PDSS2: variants seen among roughly 807,000 people sequenced by gnomAD.
PDSS2 encodes the protein decaprenyl diphosphate synthase subunit 2, also known as all trans-polyprenyl-diphosphate synthase PDSS2.
PDSS2 carries 31 observed loss-of-function variants against 44.5 expected under a neutral mutation model. The observed-to-expected ratio is 0.70, with a 90% CI of 0.52 to 0.94. PDSS2 has a LOEUF of 0.94. PDSS2 is among the 40% of genes least tolerant of loss of function. The pLI, the probability that PDSS2 is intolerant of heterozygous loss-of-function variation, is 0.00. For missense variants in PDSS2, 452 were observed against 482.2 expected, an observed-to-expected ratio of 0.94 and a Z score of 0.59; for synonymous variants, 157 against 180.3, an observed-to-expected ratio of 0.87 and a Z score of 1.03.
chr6:107,265,403 T>C (rs1775381495), intron 3 of PDSS2, among the ~76,000 whole-genome samples: 2 of 152,134 alleles, frequency 1.3e-5, no homozygotes, highest in African/African-American at 4.8e-5. Context: ...TCATAAAAAA[T>C]TAAAGTTGTT....
At chr6:107,162,494 C>CAAAAA (rs374615595) in intron 7 of PDSS2, among the ~76,000 whole-genome samples, 24 of 58,590 alleles carry the variant, frequency 4.1e-4, no homozygotes, top group Admixed American at 5.0e-4. Flanking sequence ...GAGACCATCT[C>CAAAAA]AAAAAAAAAA....
intron 1 of PDSS2, among the ~76,000 whole-genome samples, chr6:107,447,284 C>T (rs1056399649): frequency 1.4e-4 from 22 of 152,008 alleles, no homozygotes; most frequent in Non-Finnish European, 2.5e-4. Context: ...TGCAGTGAGC[C>T]GAGATGGCAC....
At chr6:107,256,980 G>A (rs1163977287) in intron 3 of PDSS2, among the ~76,000 whole-genome samples, 1 of 152,268 alleles carries the variant, frequency 6.6e-6, no homozygotes, top group East Asian at 1.9e-4. Flanking sequence ...AGGAGTTGGA[G>A]ACCAGCCTGG....
chr6:107,374,911 T>C (rs757444227), intron 1 of PDSS2, among the ~76,000 whole-genome samples: 13 of 152,132 alleles, frequency 8.5e-5, no homozygotes, highest in Non-Finnish European at 1.9e-4. Flanking sequence ...TTTGTGGCAA[T>C]CTTATTTTTT....
intron 2 of PDSS2, among the ~76,000 whole-genome samples, chr6:107,318,913 A>G (rs896327439): frequency 6.6e-6 from 1 of 152,044 alleles, no homozygotes; most frequent in Non-Finnish European, 1.5e-5. Context: ...ACTTGAACCC[A>G]GGAGACAGAG....
At chr6:107,325,563 AT>A (rs1166481294) in intron 2 of PDSS2, among the ~76,000 whole-genome samples, 3 of 152,112 alleles carry the variant, frequency 2.0e-5, no homozygotes, top group Admixed American at 6.6e-5. Flanking sequence ...AACAAAAATA[AT>A]TTTTTTTATA....
At chr6:107,454,738 C>T (rs1011956102) in intron 1 of PDSS2, among the ~76,000 whole-genome samples, 1 of 150,844 alleles carries the variant, frequency 6.6e-6, no homozygotes, top group Non-Finnish European at 1.5e-5. Flanking sequence ...TAGCTTTATT[C>T]GAAAAGTAAA....
chr6:107,188,033 C>T (rs147674391), intron 7 of PDSS2, among the ~76,000 whole-genome samples: 5 of 152,258 alleles, frequency 3.3e-5, no homozygotes, highest in Admixed American at 3.3e-4. Context: ...CCCTGGCAGT[C>T]GTGTTCATGA....
At chr6:107,333,959 A>C (rs1356498750) in intron 2 of PDSS2, among the ~76,000 whole-genome samples, 2 of 152,198 alleles carry the variant, frequency 1.3e-5, no homozygotes, top group Non-Finnish European at 2.9e-5. Context: ...GAAAATTTTA[A>C]ATGCCCAAAG....
At chr6:107,188,982 C>T (rs6902622) in intron 7 of PDSS2, among the ~76,000 whole-genome samples, 37,426 of 152,190 alleles carry the variant, frequency 0.25, 5,687 homozygotes, top group East Asian at 0.54. Flanking sequence ...GTGATCACAA[C>T]TCACTGCAGC....
Position 107,251,763 on chromosome 6 carries a change from A to C in PDSS2, c.631-6144T>G, listed in dbSNP as rs529199546. On this transcript the variant is annotated intron_variant, in intron 3 of 7. Coordinates refer to ENST00000369037, the MANE Select transcript of PDSS2 (RefSeq NM_020381.4). ...ACTCTTATCAGTGAAAATATCTTAC[A>C]GAAAAATACTGAGAGGGTGCTGAAT... Among the ~76,000 whole-genome samples the C allele has an allele frequency of 5.9e-5, 9 of 152,340 alleles. No homozygotes were observed. In the South Asian group the frequency reaches 1.9e-3, roughly 32 times the overall value.
chr6:107,211,258 T>C (rs1773193680), intron 5 of PDSS2, among the ~76,000 whole-genome samples: 2 of 151,746 alleles, frequency 1.3e-5, no homozygotes, highest in South Asian at 2.1e-4. Context: ...ATCTGAATAG[T>C]ATATATTAAA....
At chr6:107,281,491 A>G (rs1391203379) in intron 2 of PDSS2, among the ~76,000 whole-genome samples, 3 of 152,100 alleles carry the variant, frequency 2.0e-5, no homozygotes, top group Non-Finnish European at 2.9e-5. Flanking sequence ...ATAATTCTGC[A>G]CTCTGGTTTT....
In PDSS2 at chr6:107,274,030, T is replaced by C; in HGVS notation, c.629A>G (p.Lys210Arg). Residue 210 changes from lysine to arginine, a missense_variant and splice_region_variant, in exon 3 of 8, where the codon AAG becomes AGG. Coordinates refer to ENST00000369037, the MANE Select transcript of PDSS2 (RefSeq NM_020381.4). ...CNGLALLQNT[K>R]VVELLASALM... ...CAACAAAACCCTGCCCAATTTTACC[T>C]TGGTGTTCTGTAGCAGAGCTAGTCC... The C allele has an allele frequency of 1.2e-6, 2 of 1,613,564 alleles. No homozygotes were observed. Among genetic ancestry groups the C allele is most frequent in the Admixed American group, 1.7e-5 (1 of 60,018 alleles).
intron 7 of PDSS2, among the ~76,000 whole-genome samples, chr6:107,189,526 C>T (rs1019062961): frequency 3.3e-5 from 5 of 151,988 alleles, no homozygotes; most frequent in East Asian, 3.9e-4. Context: ...TTAGTAGGGA[C>T]GGGGTTTCAC....
chr6:107,368,492 A>C (rs1351771946), intron 1 of PDSS2, among the ~76,000 whole-genome samples: 3 of 152,188 alleles, frequency 2.0e-5, no homozygotes, highest in African/African-American at 7.2e-5. Context: ...TTAAGATGTC[A>C]GTTCTCCACA....
intron 2 of PDSS2, among the ~76,000 whole-genome samples, chr6:107,311,195 C>CTTT (rs35780982): frequency 1.2e-4 from 15 of 128,264 alleles, no homozygotes; most frequent in Admixed American, 2.5e-4. Flanking sequence ...CCACAACCAG[C>CTTT]TTTTTTTTTT....
intron 2 of PDSS2, among the ~76,000 whole-genome samples, chr6:107,326,611 G>C (rs573579100): frequency 8.0e-4 from 121 of 151,840 alleles, no homozygotes; most frequent in Non-Finnish European, 1.6e-3. Context: ...CAGCACTTTG[G>C]GAGGCCAAGG....
intron 2 of PDSS2, among the ~76,000 whole-genome samples, chr6:107,291,396 G>A (rs1776340947): frequency 2.7e-5 from 4 of 148,446 alleles, no homozygotes; most frequent in South Asian, 2.1e-4. Context: ...CACCCAGGCT[G>A]GAGTACAGTA....
Sources: gnomAD v4.1 joint callset for allele counts (sites outside exome capture counted in the v4.1 genomes callset) on GRCh38, gnomAD v4.1.1 for gene constraint, MANE v1.5 for transcripts, NCBI Gene and HGNC (gene_info 2026-07-23, HGNC 2026-07-21) for gene names.